The following STK32B variants were observed in gnomAD, a reference collection of about 807,000 sequenced individuals.
STK32B encodes serine/threonine kinase 32B, also known as serine/threonine-protein kinase 32B.
Under a neutral mutation model 52.6 loss-of-function variants are expected in STK32B, and 43 were observed. That is an observed-to-expected ratio of 0.82 (90% confidence interval 0.64 to 1.05). The LOEUF is 1.05. Ranked by LOEUF, STK32B falls within the 50% of genes least tolerant of loss-of-function variation. The pLI is 0.00. For synonymous variants in STK32B, 238 were observed against 204.3 expected (o/e 1.17, Z -1.41); for missense variants, 621 against 534.6 (o/e 1.16, Z -1.59).
intron 4 of STK32B, among the ~76,000 whole-genome samples, chr4:5,355,369 A>G (rs957806930): frequency 2.6e-5 from 4 of 152,148 alleles, no homozygotes; most frequent in Non-Finnish European, 5.9e-5. Flanking sequence ...CACAGACCCT[A>G]GTAGTCTACA....
At chr4:5,410,380 TGA>T (rs1711572585) in intron 5 of STK32B, among the ~76,000 whole-genome samples, 1 of 151,752 alleles carries the variant, frequency 6.6e-6, no homozygotes, top group African/African-American at 2.4e-5. Context: ...TCAAGAATGA[TGA>T]AAGTGAAACC....
intron 9 of STK32B, among the ~76,000 whole-genome samples, chr4:5,463,601 A>G (rs556705732): frequency 1.9e-4 from 29 of 152,192 alleles, no homozygotes; most frequent in African/African-American, 7.0e-4. Flanking sequence ...GCATTCACAT[A>G]TATACTCACC....
chr4:5,393,310 A>T (rs1298246927), intron 4 of STK32B, among the ~76,000 whole-genome samples: 1 of 152,342 alleles, frequency 6.6e-6, no homozygotes, highest in South Asian at 2.1e-4. Context: ...GGTTGCTGTC[A>T]TAAGAACCAT....
chr4:5,099,219 G>C (rs1713566886), intron 1 of STK32B, among the ~76,000 whole-genome samples: 1 of 151,970 alleles, frequency 6.6e-6, no homozygotes. Flanking sequence ...AATTCCATGG[G>C]GTCCACTCAA....
the STK32B span, among the ~76,000 whole-genome samples, chr4:5,033,034 C>G: frequency 6.6e-6 from 1 of 152,058 alleles, no homozygotes; most frequent in Non-Finnish European, 1.5e-5. Flanking sequence ...TCCAAAGGCC[C>G]GAGGCTACTG....
At position 5,148,954 on chromosome 4, in the gene STK32B, C is replaced by T. The variant is rs114709735; in HGVS notation, c.108+8994C>T. Among the ~76,000 whole-genome samples the T allele has an allele frequency of 4.3e-3, 653 of 151,876 alleles. 5 individuals are homozygous for T. The highest frequency in any genetic ancestry group is 0.015 in the African/African-American group (622 of 41,528). ...ATTTCCTTATGATGAATTGTCCCTA[C>T]TATTATAAAATATCCTTCTCTTTTT... On this transcript the variant is annotated intron_variant, in intron 2 of 11. Coordinates refer to ENST00000282908, the MANE Select transcript of STK32B (RefSeq NM_018401.3).
intron 6 of STK32B, among the ~76,000 whole-genome samples, chr4:5,434,949 T>A (rs1396499185): frequency 1.3e-5 from 2 of 152,176 alleles, no homozygotes; most frequent in African/African-American, 4.8e-5. Flanking sequence ...GTTATAAGAC[T>A]GACATTCTGG....
chr4:5,197,380 T>G (rs998424701), intron 3 of STK32B, among the ~76,000 whole-genome samples: 2 of 152,234 alleles, frequency 1.3e-5, no homozygotes, highest in African/African-American at 4.8e-5. Flanking sequence ...TGAACTTGAT[T>G]GGAGTTCCTT....
intron 11 of STK32B, among the ~76,000 whole-genome samples, chr4:5,478,982 A>G (rs1236186829): frequency 6.6e-6 from 1 of 152,190 alleles, no homozygotes; most frequent in Non-Finnish European, 1.5e-5. Flanking sequence ...GGCTCCTCCA[A>G]GTCAGACTCC....
At chr4:5,177,859 C>T (rs1276242595) in intron 3 of STK32B, among the ~76,000 whole-genome samples, 1 of 152,232 alleles carries the variant, frequency 6.6e-6, no homozygotes, top group Non-Finnish European at 1.5e-5. Context: ...AGTTGGGCTC[C>T]CCAGGCCTTG....
intron 3 of STK32B, among the ~76,000 whole-genome samples, chr4:5,240,484 G>C (rs1156675978): frequency 6.6e-6 from 1 of 152,002 alleles, no homozygotes; most frequent in Non-Finnish European, 1.5e-5. Context: ...GTTTCAGATG[G>C]AGTCTCACTC....
chr4:5,195,197 A>G (rs548267748), intron 3 of STK32B, among the ~76,000 whole-genome samples: 218 of 152,208 alleles, frequency 1.4e-3, no homozygotes, highest in African/African-American at 4.9e-3. Context: ...GCCTCAGACT[A>G]TATTTTCTTT....
intron 3 of STK32B, chr4:5,214,255 A>G (rs1230005967): frequency 1.3e-5 from 2 of 152,356 alleles, no homozygotes; most frequent in East Asian, 1.9e-4. Context: ...CCCTGCTGCC[A>G]TGTGTAAATG....
chr4:5,278,474 C>G (rs1174413323), intron 3 of STK32B, among the ~76,000 whole-genome samples: 1 of 152,074 alleles, frequency 6.6e-6, no homozygotes, highest in Non-Finnish European at 1.5e-5. Context: ...GGGGACCTTC[C>G]AAAGACTGTG....
chr4:5,285,716 A>G (rs1319069362), intron 3 of STK32B, among the ~76,000 whole-genome samples: 1 of 152,202 alleles, frequency 6.6e-6, no homozygotes, highest in African/African-American at 2.4e-5. Context: ...CACCTCCCTT[A>G]TTAGTAGATA....
At chr4:5,464,752 C>T (rs1717304774) in intron 9 of STK32B, among the ~76,000 whole-genome samples, 2 of 152,124 alleles carry the variant, frequency 1.3e-5, no homozygotes, top group African/African-American at 4.8e-5. Context: ...CCCAAGATTT[C>T]TCAGTGAGAA....
chr4:5,336,751 A>T (rs1476154430), intron 4 of STK32B, among the ~76,000 whole-genome samples: 1 of 152,222 alleles, frequency 6.6e-6, no homozygotes, highest in African/African-American at 2.4e-5. Flanking sequence ...ACAAGAAACA[A>T]TAAAGAGAAA....
intron 1 of STK32B, among the ~76,000 whole-genome samples, chr4:5,127,503 T>C (rs1159195422): frequency 6.6e-6 from 1 of 152,156 alleles, no homozygotes; most frequent in Non-Finnish European, 1.5e-5. Context: ...GGTGCTGTTT[T>C]GGGTGAGCAA....
intron 5 of STK32B, among the ~76,000 whole-genome samples, chr4:5,409,485 A>G (rs906505561): frequency 1.3e-5 from 2 of 152,188 alleles, no homozygotes; most frequent in Non-Finnish European, 2.9e-5. Context: ...TGCAGCACTA[A>G]TGAACGTCAG....
Sources: gnomAD v4.1 joint callset for allele counts (sites outside exome capture counted in the v4.1 genomes callset) on GRCh38, gnomAD v4.1.1 for gene constraint, MANE v1.5 for transcripts, NCBI Gene and HGNC (gene_info 2026-07-23, HGNC 2026-07-21) for gene names.